Variants in MYOCD observed in about 807,000 individuals in gnomAD.
MYOCD encodes myocardin.
A neutral mutation model predicts 96.1 loss-of-function variants in MYOCD; 32 were observed. The ratio of observed to expected loss-of-function variants is 0.33; its 90% CI spans 0.25 to 0.45. MYOCD has a LOEUF of 0.45. MYOCD is among the 20% of genes least tolerant of loss of function. MYOCD has a pLI of 1.00. For synonymous variants in MYOCD, 469 were observed against 469.0 expected (o/e 1.00, Z 0.00); for missense variants, 1,133 against 1,200.6 (o/e 0.94, Z 0.83).
Position 12,763,523 on chromosome 17 carries a change from A to AT in MYOCD, c.2842dup (p.Ser948PhefsTer6). 1 of 1,614,146 alleles carries AT rather than the reference A, an allele frequency of 6.2e-7. No homozygotes were observed. Among genetic ancestry groups the AT allele is most frequent in the Non-Finnish European group, 8.5e-7 (1 of 1,180,018 alleles). On this transcript the variant is annotated frameshift_variant, in exon 14 of 14. Coordinates refer to ENST00000425538, the MANE Select transcript of MYOCD (RefSeq NM_001146312.3). LOFTEE classifies it high-confidence loss of function. The stretch of plus-strand genomic sequence containing the variant: ...GAGTGGCTGGACCTCACTCCGCCAA[A>AT]TTCCACACCAGGCTTTAGCGCCCTC...
chr17:12,709,672 C>T (rs2031419432), intron 2 of MYOCD, among the ~76,000 whole-genome samples: 1 of 152,196 alleles, frequency 6.6e-6, no homozygotes, highest in African/African-American at 2.4e-5. Flanking sequence ...AAATTGCCTA[C>T]TTTGCCATCA....
At chr17:12,685,708 A>T (rs1313839851) in intron 1 of MYOCD, among the ~76,000 whole-genome samples, 1 of 152,228 alleles carries the variant, frequency 6.6e-6, no homozygotes, top group Non-Finnish European at 1.5e-5. Flanking sequence ...TTCTGCCCTT[A>T]GTAGCCTTCT....
intron 1 of MYOCD, among the ~76,000 whole-genome samples, chr17:12,668,259 T>C (rs1909482848): frequency 6.6e-6 from 1 of 151,934 alleles, no homozygotes; most frequent in Non-Finnish European, 1.5e-5. Flanking sequence ...ATCATCTTCT[T>C]CTCCTCCTTC....
chr17:12,739,380 C>T (rs544016301), intron 7 of MYOCD, 52 bp downstream of exon 7: 9 of 1,486,990 alleles, frequency 6.1e-6, no homozygotes, highest in African/African-American at 5.7e-5. Context: ...CTCACAGAGC[C>T]GACTTGGAGC....
intron 11 of MYOCD, 138 bp downstream of exon 11, chr17:12,756,695 C>CAAAAGAAAAAAA (rs2033022552): frequency 7.4e-6 from 1 of 134,326 alleles, no homozygotes. Flanking sequence ...GACTGCATCT[C>CAAAAGAAAAAAA]AAAAAAAAAA....
At chr17:12,743,728 G>T (rs2032580317) in intron 7 of MYOCD, among the ~76,000 whole-genome samples, 1 of 152,018 alleles carries the variant, frequency 6.6e-6, no homozygotes, top group South Asian at 2.1e-4. Context: ...CATGACTTCA[G>T]GTGATCCACC....
chr17:12,687,094 G>A (rs1380428530), intron 1 of MYOCD, among the ~76,000 whole-genome samples: 3 of 152,108 alleles, frequency 2.0e-5, no homozygotes, highest in Non-Finnish European at 2.9e-5. Context: ...CATGCAAACC[G>A]ATGATTTTAA....
At chr17:12,697,365 T>G (rs201562502) in intron 1 of MYOCD, among the ~76,000 whole-genome samples, 1 of 104,512 alleles carries the variant, frequency 9.6e-6, no homozygotes, top group Admixed American at 1.1e-4. Flanking sequence ...ATATATTTTT[T>G]TTTTTTTTTT....
intron 5 of MYOCD, among the ~76,000 whole-genome samples, chr17:12,726,760 T>G (rs2032011719): frequency 6.6e-6 from 1 of 152,234 alleles, no homozygotes; most frequent in South Asian, 2.1e-4. Context: ...TTTCATATTT[T>G]TTCATGTTCT....
intron 11 of MYOCD, among the ~76,000 whole-genome samples, chr17:12,757,491 T>A (rs2033045323): frequency 6.6e-6 from 1 of 152,144 alleles, no homozygotes; most frequent in South Asian, 2.1e-4. Flanking sequence ...TTGATTATTT[T>A]TTATTTATTA....
chr17:12,704,692 G>T (rs7215392), intron 1 of MYOCD, among the ~76,000 whole-genome samples: 2 of 151,972 alleles, frequency 1.3e-5, no homozygotes, highest in Admixed American at 6.6e-5. Flanking sequence ...AGGAAACTGA[G>T]GGTCAGAGAG....
At chr17:12,692,919 A>G (rs1452592126) in intron 1 of MYOCD, among the ~76,000 whole-genome samples, 1 of 152,180 alleles carries the variant, frequency 6.6e-6, no homozygotes, top group Non-Finnish European at 1.5e-5. Context: ...TTGGGAAGGC[A>G]TTAGTGAGTT....
intron 1 of MYOCD, among the ~76,000 whole-genome samples, chr17:12,686,838 TC>T (rs1189248822): frequency 6.6e-6 from 1 of 152,204 alleles, no homozygotes; most frequent in Non-Finnish European, 1.5e-5. Flanking sequence ...GGGAGCTGGC[TC>T]TCTCCTGGAT....
Position 12,763,230 on chromosome 17 carries a change from C to T in MYOCD, c.2547C>T (p.Thr849=), listed in dbSNP as rs1413811786. Reference sequence around the variant, plus strand: ...AGATCCCCTTTGATCCCTATGCCACCGACAGTGATGAGCATCTTGAAGTCT... The same window carrying T: ...AGATCCCCTTTGATCCCTATGCCACTGACAGTGATGAGCATCTTGAAGTCT... ...GSQIPFDPYA[T]DSDEHLEVLL... is the part of the protein sequence containing the mutation. The change falls in exon 14 of 14, where the codon ACC becomes ACT. Residue 849 remains threonine (T), a synonymous_variant. Transcript: ENST00000425538. 70 of 1,613,986 alleles carry T rather than the reference C, an allele frequency of 4.3e-5. No individual in the cohort carries two copies. The highest frequency in any genetic ancestry group is 1.1e-4 in the East Asian group (5 of 44,882).
chr17:12,741,992 G>T (rs995303052), intron 7 of MYOCD, among the ~76,000 whole-genome samples: 12 of 151,960 alleles, frequency 7.9e-5, no homozygotes, highest in Non-Finnish European at 1.8e-4. Flanking sequence ...AGTATCTTCT[G>T]GAATGTGCTA....
chr17:12,672,474 T>C (rs1188116911), intron 1 of MYOCD, among the ~76,000 whole-genome samples: 2 of 152,226 alleles, frequency 1.3e-5, no homozygotes, highest in African/African-American at 4.8e-5. Flanking sequence ...CGTAACGAGA[T>C]TTGGATCATT....
chr17:12,718,132 C>CT (rs1375280246), intron 4 of MYOCD, among the ~76,000 whole-genome samples: 2 of 152,164 alleles, frequency 1.3e-5, no homozygotes, highest in African/African-American at 2.4e-5. Context: ...TATTGGGTGT[C>CT]TGCTAGGAGT....
At chr17:12,681,085 G>A (rs886870240) in intron 1 of MYOCD, among the ~76,000 whole-genome samples, 4 of 152,212 alleles carry the variant, frequency 2.6e-5, no homozygotes, top group African/African-American at 9.6e-5. Flanking sequence ...CCCATGCCTT[G>A]TAAATGGAAA....
rs561685170 is a variant in MYOCD, at chr17:12,736,273, G to A, written c.528G>A (p.Ala176=). 26 of 1,614,182 alleles carry A rather than the reference G, an allele frequency of 1.6e-5. No homozygotes were observed. The highest frequency in any genetic ancestry group is 1.6e-4 in the Middle Eastern group (1 of 6,062). ...QTRSEDPQNS[A]GSPPDAKASD... is the part of the protein sequence containing the mutation. ...GAAGTGAAGACCCCCAAAACTCAGC[G>A]GGATCCCCGCCAGACGCTAAAGCCT... is the stretch of plus-strand genomic sequence containing the variant. The change falls in exon 6 of 14, where the codon GCG becomes GCA. Residue 176 remains alanine (A), a synonymous_variant. Transcript: ENST00000425538.
Sources: gnomAD v4.1 joint callset for allele counts (sites outside exome capture counted in the v4.1 genomes callset) on GRCh38, gnomAD v4.1.1 for gene constraint, MANE v1.5 for transcripts, NCBI Gene and HGNC (gene_info 2026-07-23, HGNC 2026-07-21) for gene names.